The following ACSL3 variants were observed in gnomAD, a reference collection of about 807,000 sequenced individuals.
The protein encoded by ACSL3 is acyl-CoA synthetase long chain family member 3.
ACSL3 carries 34 observed loss-of-function variants against 84.7 expected under a neutral mutation model. The ratio of observed to expected loss-of-function variants is 0.40; its 90% CI spans 0.31 to 0.53. The LOEUF is 0.53. ACSL3 is among the 20% of genes least tolerant of loss of function. ACSL3 has a pLI of 0.48. For missense variants in ACSL3, 680 were observed against 873.1 expected, an observed-to-expected ratio of 0.78 and a Z score of 2.79; for synonymous variants, 315 against 299.4, an observed-to-expected ratio of 1.05 and a Z score of -0.54.
chr2:222,901,121 A>G (rs1018240627), intron 3 of ACSL3, among the ~76,000 whole-genome samples: 1 of 152,220 alleles, frequency 6.6e-6, no homozygotes, highest in Non-Finnish European at 1.5e-5. Context: ...CATTTGATCC[A>G]AGAAGATTTC....
intron 6 of ACSL3, among the ~76,000 whole-genome samples, chr2:222,918,703 TCTC>T (rs1696650221): frequency 6.7e-6 from 1 of 149,636 alleles, no homozygotes; most frequent in South Asian, 2.1e-4. Context: ...ATGTGAATTT[TCTC>T]CTCCTTCCCC....
At chr2:222,861,956 A>C (rs1187592172) in intron 1 of ACSL3, among the ~76,000 whole-genome samples, 1 of 152,096 alleles carries the variant, frequency 6.6e-6, no homozygotes, top group South Asian at 2.1e-4. Context: ...TTCACAGATG[A>C]GGAGCCCGAG....
intron 1 of ACSL3, among the ~76,000 whole-genome samples, chr2:222,883,842 A>C (rs1695656642): frequency 6.6e-6 from 1 of 152,040 alleles, no homozygotes. Context: ...AAGAGTCTCC[A>C]CCTCATTTTC....
chr2:222,862,289 G>A (rs945957273), intron 1 of ACSL3, among the ~76,000 whole-genome samples: 1 of 152,184 alleles, frequency 6.6e-6, no homozygotes, highest in Non-Finnish European at 1.5e-5. Context: ...GACTTAGCTT[G>A]CCTCAGATCT....
At chr2:222,890,751 T>C (rs1266651536) in intron 2 of ACSL3, among the ~76,000 whole-genome samples, 3 of 152,072 alleles carry the variant, frequency 2.0e-5, no homozygotes, top group Admixed American at 6.6e-5. Flanking sequence ...TGGTGATTCT[T>C]GTGCCTCAGC....
intron 7 of ACSL3, among the ~76,000 whole-genome samples, chr2:222,920,686 A>G (rs1036312303): frequency 1.8e-4 from 28 of 151,972 alleles, no homozygotes; most frequent in African/African-American, 6.8e-4. Flanking sequence ...ATAATAACAT[A>G]CTCCTGTTCA....
rs1696635732 is a variant in ACSL3, at chr2:222,918,168, G to A, written c.666+13G>A. On this transcript the variant is annotated intron_variant, in intron 6 of 16. Coordinates refer to ENST00000357430, the MANE Select transcript of ACSL3 (RefSeq NM_004457.5). ...AACAAAGTTGAAGGTGAGGACTCTAGTTACTTTCTAACTGTCTGATACTTT... is the reference window on the plus strand; with the variant it reads ...AACAAAGTTGAAGGTGAGGACTCTAATTACTTTCTAACTGTCTGATACTTT... 3.2e-6 allele frequency: 5 copies of A among 1,552,596 alleles called. No homozygotes were observed. The highest frequency in any genetic ancestry group is 4.4e-6 in the Non-Finnish European group (5 of 1,127,144).
intron 9 of ACSL3, 110 bp from the exon 10 acceptor site, chr2:222,922,968 A>G (rs1696780070): frequency 7.3e-7 from 1 of 1,374,658 alleles, no homozygotes; most frequent in Non-Finnish European, 1.0e-6. Flanking sequence ...AGTGCTTCTT[A>G]GACTGTAAGT....
intron 16 of ACSL3, among the ~76,000 whole-genome samples, chr2:222,939,505 T>C (rs547231288): frequency 2.0e-4 from 30 of 152,302 alleles, no homozygotes; most frequent in African/African-American, 7.2e-4. Context: ...TAATCTTTGT[T>C]CTTGACAGCT....
chr2:222,933,434 G>T, intron 15 of ACSL3, 154 bp downstream of exon 15: 1 of 544,364 alleles, frequency 1.8e-6, no homozygotes, highest in South Asian at 2.7e-5. Context: ...GCCATTAGCT[G>T]ACTCTTTTCC....
chr2:222,868,577 T>G (rs530542039), intron 1 of ACSL3, among the ~76,000 whole-genome samples: 1 of 152,318 alleles, frequency 6.6e-6, no homozygotes, highest in East Asian at 1.9e-4. Flanking sequence ...TAGTGGAGAT[T>G]GGGAAGAGAT....
At chr2:222,862,175 A>G (rs962271636) in intron 1 of ACSL3, among the ~76,000 whole-genome samples, 1 of 152,204 alleles carries the variant, frequency 6.6e-6, no homozygotes, top group African/African-American at 2.4e-5. Context: ...ATTACATGCC[A>G]CGCACTGTTT....
chr2:222,937,445 C>G (rs1697202910), intron 16 of ACSL3, among the ~76,000 whole-genome samples: 1 of 151,842 alleles, frequency 6.6e-6, no homozygotes, highest in Non-Finnish European at 1.5e-5. Flanking sequence ...TATTTCTTCC[C>G]CTAGTTATGT....
At chr2:222,939,349 C>T (rs901137565) in intron 16 of ACSL3, among the ~76,000 whole-genome samples, 2 of 152,100 alleles carry the variant, frequency 1.3e-5, no homozygotes, top group Non-Finnish European at 2.9e-5. Context: ...TTGTGGGGTA[C>T]AATCTAATTG....
At chr2:222,932,032 C>A (rs955005952) in intron 14 of ACSL3, among the ~76,000 whole-genome samples, 2 of 152,180 alleles carry the variant, frequency 1.3e-5, no homozygotes, top group South Asian at 4.1e-4. Context: ...GAGACCCTGT[C>A]TCAAAATCTC....
intron 11 of ACSL3, among the ~76,000 whole-genome samples, chr2:222,926,571 G>A (rs1397533022): frequency 6.6e-6 from 1 of 152,012 alleles, no homozygotes. Flanking sequence ...GCTTGAATTA[G>A]TGAAACTTCA....
In ACSL3 at chr2:222,924,006, C is replaced by T. The variant is rs576379836; in HGVS notation, c.1153-450C>T. ...AAATAGCCAAACAAAAACTCCCAAACGTTGCATGGTCTTTTTGTGAGCAAA... is the reference window on the plus strand; with the variant it reads ...AAATAGCCAAACAAAAACTCCCAAATGTTGCATGGTCTTTTTGTGAGCAAA... On this transcript the variant is annotated intron_variant, in intron 10 of 16. Transcript: ENST00000357430. 2.6e-5 allele frequency among the ~76,000 whole-genome samples: 4 copies of T among 152,276 alleles called. No individual in the cohort carries two copies. The East Asian group carries it at 5.8e-4, about 22-fold the overall frequency.
chr2:222,931,943 C>T lies in ACSL3; in HGVS notation c.1732+1131C>T, dbSNP rs891884056. ...ACTCAGGCCTGTAATCCCAGCTACT[C>T]GGGAGGCTGAGGTGGGAGTATCACA... On this transcript the variant is annotated intron_variant, in intron 14 of 16. Transcript: ENST00000357430. Among the ~76,000 whole-genome samples the T allele has an allele frequency of 7.2e-5, 11 of 151,998 alleles. No homozygotes were observed. In the South Asian group the frequency reaches 8.3e-4, roughly 11 times the overall value.
chr2:222,924,993 G>A (rs1327850683), intron 11 of ACSL3, among the ~76,000 whole-genome samples: 1 of 147,690 alleles, frequency 6.8e-6, no homozygotes, highest in African/African-American at 2.5e-5. Flanking sequence ...GCCACTGCAC[G>A]ATCTGTCTGC....
Sources: allele counts gnomAD v4.1 joint callset (sites outside exome capture counted in the v4.1 genomes callset), GRCh38; gene constraint gnomAD v4.1.1; transcripts MANE v1.5; gene names NCBI Gene and HGNC (gene_info 2026-07-23, HGNC 2026-07-21).